APBB1IP: variants seen among roughly 807,000 people sequenced by gnomAD.
APBB1IP encodes the protein amyloid beta precursor protein binding family B member 1 interacting protein, also known as amyloid beta A4 precursor protein-binding family B member 1-interacting protein.
In APBB1IP, 27 loss-of-function variants were observed where a neutral mutation model predicts 64.9. The ratio of observed to expected loss-of-function variants is 0.42; its 90% CI spans 0.31 to 0.57. The LOEUF (loss-of-function observed/expected upper bound fraction) is 0.57. Ranked by LOEUF, APBB1IP falls within the 20% of genes least tolerant of loss-of-function variation. The pLI is 0.20. For missense variants in APBB1IP, 812 were observed against 845.5 expected, an observed-to-expected ratio of 0.96 and a Z score of 0.49; for synonymous variants, 392 against 331.0, an observed-to-expected ratio of 1.18 and a Z score of -2.00.
chr10:26,553,316 G>A (rs989409796), intron 11 of APBB1IP, among the ~76,000 whole-genome samples: 4 of 151,738 alleles, frequency 2.6e-5, no homozygotes, highest in East Asian at 2.0e-4. Context: ...CACCGCACCC[G>A]GCCTCAACTT....
intron 2 of APBB1IP, among the ~76,000 whole-genome samples, chr10:26,477,679 AGGCGAATAACACG>A (rs1267481217): frequency 6.6e-6 from 1 of 152,224 alleles, no homozygotes. Context: ...CAAAACACAA[AGGCGAATAACACG>A]GCCTCGACTC....
chr10:26,498,994 G>T (rs945577819), intron 4 of APBB1IP, among the ~76,000 whole-genome samples: 10 of 152,116 alleles, frequency 6.6e-5, no homozygotes, highest in African/African-American at 2.4e-5. Flanking sequence ...GTGCGAGCCT[G>T]TAATCATGCT....
At chr10:26,501,167 A>T in intron 5 of APBB1IP, 56 bp downstream of exon 5, 1 of 1,602,238 alleles carries the variant, frequency 6.2e-7, no homozygotes, top group Non-Finnish European at 8.6e-7. Context: ...CCTATCACTG[A>T]TGTTCCTTGA....
At chr10:26,534,395 T>G (rs1836593623) in intron 9 of APBB1IP, among the ~76,000 whole-genome samples, 1 of 151,416 alleles carries the variant, frequency 6.6e-6, no homozygotes, top group South Asian at 2.1e-4. Context: ...ATGCTAGAAC[T>G]GCCCAGGTTG....
intron 8 of APBB1IP, among the ~76,000 whole-genome samples, chr10:26,523,559 C>T (rs889413796): frequency 6.6e-6 from 1 of 152,130 alleles, no homozygotes; most frequent in African/African-American, 2.4e-5. Flanking sequence ...TCAGGCAGGT[C>T]CACTTTAGAA....
At chr10:26,539,407 G>GAA (rs397969156) in intron 10 of APBB1IP, among the ~76,000 whole-genome samples, 136 of 121,958 alleles carry the variant, frequency 1.1e-3, no homozygotes, top group Admixed American at 2.2e-3. Flanking sequence ...ATGAGATCCT[G>GAA]AAAAAAAAAA....
intron 10 of APBB1IP, among the ~76,000 whole-genome samples, chr10:26,537,866 G>A (rs1836647097): frequency 1.3e-5 from 2 of 151,436 alleles, no homozygotes; most frequent in Admixed American, 6.6e-5. Context: ...CTTGGGAGGT[G>A]GAGGTTGCAG....
chr10:26,450,476 A>G (rs1279745055), intron 2 of APBB1IP, among the ~76,000 whole-genome samples: 1 of 152,242 alleles, frequency 6.6e-6, no homozygotes, highest in Non-Finnish European at 1.5e-5. Context: ...ATTGTAGATT[A>G]AACACAATTT....
chr10:26,559,706 C>G (rs2132483016), intron 11 of APBB1IP, among the ~76,000 whole-genome samples: 1 of 151,464 alleles, frequency 6.6e-6, no homozygotes. Context: ...ACTGCAACCT[C>G]CACCTCCCAG....
intron 8 of APBB1IP, 119 bp from the exon 9 acceptor site, chr10:26,533,320 C>G (rs576176549): frequency 3.8e-6 from 2 of 532,530 alleles, no homozygotes; most frequent in East Asian, 3.4e-5. Context: ...ATCATATGCT[C>G]TGGTTCCCTG....
chr10:26,512,811 T>A (rs887301324), intron 7 of APBB1IP, among the ~76,000 whole-genome samples: 2 of 152,146 alleles, frequency 1.3e-5, no homozygotes, highest in Non-Finnish European at 2.9e-5. Flanking sequence ...GAGAGCTGGG[T>A]GGGACGGAGA....
rs1477500539 is a variant in APBB1IP at position 26,566,966 on chromosome 10, G to C, written c.1479G>C (p.Lys493Asn). 6.3e-7 allele frequency: 1 copy of C among 1,575,488 alleles called. No individual in the cohort carries two copies. Among genetic ancestry groups the C allele is most frequent in the Non-Finnish European group, 8.5e-7 (1 of 1,171,048 alleles). The change falls in exon 15 of 15, where the codon AAG (lysine) becomes AAC (asparagine). Residue 493 changes from lysine (K) to asparagine (N), a missense_variant. Around this residue, in one of 3 missense-constraint regions of APBB1IP, gnomAD observed 381 missense variants for 352.1 expected, o/e 1.08. Coordinates refer to ENST00000376236, the MANE Select transcript of APBB1IP (RefSeq NM_019043.4). ...AQRHAETSKDKKPALGNHHDP... is the reference protein window; with the variant it reads ...AQRHAETSKDNKPALGNHHDP... The stretch of plus-strand genomic sequence containing the variant: ...CTACTGCCACTCGGTTGCAGGATAA[G>C]AAGCCAGCCCTCGGGAACCACCACG...
chr10:26,527,685 C>CT (rs768509910), intron 8 of APBB1IP, among the ~76,000 whole-genome samples: 2,572 of 68,442 alleles, frequency 0.038, 75 homozygotes, highest in Non-Finnish European at 0.047. Context: ...AGGTCCATGT[C>CT]TTTTTTTTTT....
At chr10:26,505,982 T>C (rs1836170802) in intron 6 of APBB1IP, among the ~76,000 whole-genome samples, 1 of 152,080 alleles carries the variant, frequency 6.6e-6, no homozygotes, top group Non-Finnish European at 1.5e-5. Context: ...CAGTGTTCAC[T>C]CCTTCATTCA....
At chr10:26,488,187 T>C (rs946123923) in intron 2 of APBB1IP, among the ~76,000 whole-genome samples, 1 of 152,168 alleles carries the variant, frequency 6.6e-6, no homozygotes, top group Non-Finnish European at 1.5e-5. Context: ...GGGAGACAAT[T>C]TGTGAAACCA....
chr10:26,444,240 A>T (rs1346642584), intron 2 of APBB1IP, among the ~76,000 whole-genome samples: 1 of 152,114 alleles, frequency 6.6e-6, no homozygotes, highest in Non-Finnish European at 1.5e-5. Context: ...AGGGAGAGAG[A>T]AACAGATGTG....
At chr10:26,471,304 C>T (rs553577976) in intron 2 of APBB1IP, among the ~76,000 whole-genome samples, 213 of 152,202 alleles carry the variant, frequency 1.4e-3, no homozygotes, top group Non-Finnish European at 2.2e-3. Flanking sequence ...ACACTGCACA[C>T]GGGGCTAATT....
intron 2 of APBB1IP, among the ~76,000 whole-genome samples, chr10:26,456,266 C>T (rs980017006): frequency 2.6e-5 from 4 of 152,136 alleles, no homozygotes; most frequent in South Asian, 2.1e-4. Context: ...GCTCTATCCA[C>T]GGGAAAATGG....
chr10:26,545,784 A>AACAAAC (rs1836757130), intron 11 of APBB1IP, among the ~76,000 whole-genome samples: 1 of 88,630 alleles, frequency 1.1e-5, no homozygotes, highest in Non-Finnish European at 2.1e-5. Flanking sequence ...CAAACAAACA[A>AACAAAC]AAAAAAACCA....
Sources: gnomAD v4.1 joint callset for allele counts (sites outside exome capture counted in the v4.1 genomes callset) on GRCh38, gnomAD v4.1.1 for gene constraint, gnomAD v4.1.1 regional missense constraint, MANE v1.5 for transcripts, NCBI Gene and HGNC (gene_info 2026-07-23, HGNC 2026-07-21) for gene names.